The following SMCHD1 variants were observed in gnomAD, a reference collection of about 807,000 sequenced individuals.
SMCHD1 encodes the protein structural maintenance of chromosomes flexible hinge domain-containing protein 1.
A neutral mutation model predicts 254.7 loss-of-function variants in SMCHD1; 78 were observed. That is an observed-to-expected ratio of 0.31 (90% CI 0.26 to 0.37). The LOEUF is 0.37. SMCHD1 is among the 10% of genes least tolerant of loss of function. SMCHD1 has a pLI of 1.00. For missense variants in SMCHD1, 1,840 were observed against 2,408.1 expected, an observed-to-expected ratio of 0.76 and a Z score of 4.94; for synonymous variants, 766 against 794.9, an observed-to-expected ratio of 0.96 and a Z score of 0.61.
intron 34 of SMCHD1, chr18:2,752,829 T>A (rs1413198209): frequency 3.4e-6 from 1 of 295,130 alleles, no homozygotes; most frequent in Non-Finnish European, 6.3e-6. Flanking sequence ...TTATAACTTC[T>A]TATTATATAG....
At chr18:2,670,011 T>C (rs2073552008) in intron 3 of SMCHD1, among the ~76,000 whole-genome samples, 1 of 152,290 alleles carries the variant, frequency 6.6e-6, no homozygotes, top group Admixed American at 6.5e-5. Context: ...GGAGGCACCA[T>C]TGTATCACCC....
At chr18:2,712,408 T>A (rs1056172687) in intron 17 of SMCHD1, among the ~76,000 whole-genome samples, 8 of 152,200 alleles carry the variant, frequency 5.3e-5, no homozygotes, top group Non-Finnish European at 1.0e-4. Flanking sequence ...AGTATCACAC[T>A]AAAGTACAGT....
chr18:2,793,535 G>T (rs908927781), intron 45 of SMCHD1, among the ~76,000 whole-genome samples: 3 of 151,798 alleles, frequency 2.0e-5, no homozygotes, highest in Non-Finnish European at 4.4e-5. Flanking sequence ...TGTGGTGGCG[G>T]GCGCCTGTAG....
chr18:2,660,864 A>C (rs1225147611), intron 1 of SMCHD1, among the ~76,000 whole-genome samples: 1 of 152,118 alleles, frequency 6.6e-6, no homozygotes, highest in Non-Finnish European at 1.5e-5. Flanking sequence ...ATGGATTTTT[A>C]ATATGGATTA....
chr18:2,737,359 G>A (rs1011893920), intron 25 of SMCHD1, among the ~76,000 whole-genome samples: 2 of 152,084 alleles, frequency 1.3e-5, no homozygotes, highest in African/African-American at 2.4e-5. Flanking sequence ...ACTTGTATAC[G>A]TACCTACTGA....
chr18:2,729,454 A>G (rs2075093172), intron 24 of SMCHD1, 45 bp downstream of exon 24: 1 of 1,362,528 alleles, frequency 7.3e-7, no homozygotes, highest in Admixed American at 3.3e-5. Context: ...GAGTCTTCAT[A>G]CAAATAGTCT....
chr18:2,796,489 A>G lies in SMCHD1; in HGVS notation c.5961A>G (p.Lys1987=). ...CGACAGATTGTCCAGTTCCTCCTAA[A>G]AGAATGAGACGAGAAGCTACAAGAC... ...VETTDCPVPP[K]RMRREATRQN... The change falls in exon 47 of 48, where the codon AAA becomes AAG. Residue 1987 remains lysine (K), a synonymous_variant. Coordinates refer to ENST00000320876, the MANE Select transcript of SMCHD1 (RefSeq NM_015295.3). The G allele has an allele frequency of 1.2e-6, 2 of 1,603,278 alleles. No homozygotes were observed. The highest frequency in any genetic ancestry group is 1.7e-6 in the Non-Finnish European group (2 of 1,174,598).
chr18:2,771,801 C>A (rs931834138), intron 40 of SMCHD1, among the ~76,000 whole-genome samples, 183 bp downstream of exon 40: 1 of 152,056 alleles, frequency 6.6e-6, no homozygotes, highest in African/African-American at 2.4e-5. Context: ...AAAGAAATTG[C>A]AATTTGTATT....
chr18:2,678,536 C>T (rs1010823906), intron 5 of SMCHD1, among the ~76,000 whole-genome samples: 3 of 151,936 alleles, frequency 2.0e-5, no homozygotes, highest in East Asian at 1.9e-4. Flanking sequence ...AGGTTGGTCT[C>T]GAACTCCTGA....
chr18:2,696,015 TGAAG>T (rs779360424), intron 8 of SMCHD1, among the ~76,000 whole-genome samples: 2 of 152,220 alleles, frequency 1.3e-5, no homozygotes, highest in African/African-American at 4.8e-5. Context: ...CTTGCTCTAA[TGAAG>T]GATTATGAAG....
intron 45 of SMCHD1, among the ~76,000 whole-genome samples, chr18:2,790,856 TTATC>T (rs1240553491): frequency 2.6e-5 from 4 of 152,206 alleles, no homozygotes; most frequent in Non-Finnish European, 5.9e-5. Context: ...CCAATTATCT[TTATC>T]TAAGTATCAG....
intron 44 of SMCHD1, among the ~76,000 whole-genome samples, chr18:2,783,125 A>C (rs994202758): frequency 1.3e-5 from 2 of 152,202 alleles, no homozygotes; most frequent in Non-Finnish European, 1.5e-5. Context: ...ATATATGTAT[A>C]CTATTTCATT....
At chr18:2,677,857 G>A (rs1220284563) in intron 5 of SMCHD1, among the ~76,000 whole-genome samples, 5 of 152,034 alleles carry the variant, frequency 3.3e-5, no homozygotes, top group Non-Finnish European at 5.9e-5. Flanking sequence ...GAGCTGAAGC[G>A]ATCCACCTGC....
intron 17 of SMCHD1, among the ~76,000 whole-genome samples, chr18:2,711,219 A>T (rs1598351141): frequency 6.7e-6 from 1 of 148,892 alleles, no homozygotes; most frequent in Admixed American, 6.7e-5. Flanking sequence ...GCGTAGCCTC[A>T]CCTCCTTATG....
intron 34 of SMCHD1, among the ~76,000 whole-genome samples, chr18:2,755,565 C>CTTTTTTTTTTTTTT (rs11413061): frequency 8.2e-4 from 89 of 108,124 alleles, no homozygotes; most frequent in Non-Finnish European, 1.1e-3. Flanking sequence ...TTCTTTCTTT[C>CTTTTTTTTTTTTTT]TTTTTTTTTT....
chr18:2,736,217 G>T (rs988878321), intron 25 of SMCHD1, among the ~76,000 whole-genome samples: 1 of 152,186 alleles, frequency 6.6e-6, no homozygotes, highest in Non-Finnish European at 1.5e-5. Flanking sequence ...GCAGAAGAAT[G>T]AAAGTGGATC....
chr18:2,688,565 C>G, intron 6 of SMCHD1, 57 bp downstream of exon 6: 1 of 1,585,568 alleles, frequency 6.3e-7, no homozygotes, highest in Admixed American at 1.7e-5. Context: ...GAAGTTGACT[C>G]TGTCTAAATG....
At chr18:2,712,113 C>CA in intron 17 of SMCHD1, among the ~76,000 whole-genome samples, 1 of 152,296 alleles carries the variant, frequency 6.6e-6, no homozygotes, top group Admixed American at 6.5e-5. Context: ...TTTACAACAA[C>CA]ACTATATAGA....
chr18:2,683,663 A>T, intron 5 of SMCHD1, among the ~76,000 whole-genome samples: 1 of 152,138 alleles, frequency 6.6e-6, no homozygotes, highest in East Asian at 1.9e-4. Context: ...ATTTCTTTAT[A>T]TCCTTGCTGG....
Sources: gnomAD v4.1 joint callset for allele counts (sites outside exome capture counted in the v4.1 genomes callset) on GRCh38, gnomAD v4.1.1 for gene constraint, MANE v1.5 for transcripts, NCBI Gene and HGNC (gene_info 2026-07-23, HGNC 2026-07-21) for gene names.